Variants in ZNF184 observed in about 807,000 individuals in gnomAD.
The protein encoded by ZNF184 is zinc finger protein 184 (Kruppel-like).
A neutral mutation model predicts 54.4 loss-of-function variants in ZNF184; 16 were observed. The ratio of observed to expected loss-of-function variants is 0.29; its 90% confidence interval spans 0.20 to 0.45. The LOEUF (loss-of-function observed/expected upper bound fraction) is 0.45, where lower values mean the gene tolerates loss of function less well. Among genes scored for constraint, ZNF184 ranks in the 20% least tolerant of loss-of-function variants. The pLI is 1.00. For synonymous variants in ZNF184, 254 were observed against 295.3 expected (o/e 0.86, Z 1.43); for missense variants, 681 against 888.2 (o/e 0.77, Z 2.97).
In ZNF184 at chr6:27,452,944, A is replaced by T; in HGVS notation, c.615T>A (p.Thr205=). Residue 205 remains threonine, a synonymous_variant, in exon 6 of 6, where the codon ACT becomes ACA. Coordinates refer to ENST00000683788, the MANE Select transcript of ZNF184 (RefSeq NM_001318891.2). This position sits in a 1 kb window ranked among gnomAD's most constrained non-coding sequence, Gnocchi z 5.5. ...TQEPSPEETS[T]KRSIKQNSNP... is the part of the protein sequence containing the mutation. ...TTGAATTCTGTTTGATGCTTCTTTT[A>T]GTAGAGGTCTCTTCTGGAGATGGTT... The T allele has an allele frequency of 6.2e-7, 1 of 1,614,152 alleles. No homozygotes were observed. Among genetic ancestry groups the T allele is most frequent in the South Asian group, 1.1e-5 (1 of 91,082 alleles).
At chr6:27,450,070 T>G (rs973032521), downstream of ZNF184, among the ~76,000 whole-genome samples, 2 of 152,220 alleles carry the variant, frequency 1.3e-5, no homozygotes, top group Admixed American at 1.3e-4. Flanking sequence ...CTAGTAGAGA[T>G]GTTTTTGAGA....
Position 27,467,868 on chromosome 6 carries a change from T to A in ZNF184, c.60A>T (p.Ser20=), listed in dbSNP as rs1208630223. 5.6e-6 allele frequency: 9 copies of A among 1,611,622 alleles called. No individual in the cohort carries two copies. Among genetic ancestry groups the A allele is most frequent in the African/African-American group, 1.3e-5 (1 of 74,862 alleles). Residue 20 remains serine (S), a synonymous_variant, in exon 3 of 6, where the codon TCA becomes TCT. Coordinates refer to ENST00000683788, the MANE Select transcript of ZNF184 (RefSeq NM_001318891.2). ...CACATCTTACCTGAAAACTGGCTGA[T>A]GAGAGTAGATTATGTCCCCCTTGGA... ...TLLQGGHNLL[S]SASFQEAVTF... is the part of the protein sequence containing the mutation.
the ZNF184 span, among the ~76,000 whole-genome samples, chr6:27,424,360 G>A: frequency 2.8e-4 from 43 of 152,284 alleles, no homozygotes; most frequent in African/African-American, 7.9e-4. Flanking sequence ...AGGGTACAAG[G>A]AAAGCCGACA....
chr6:27,433,507 C>T, the ZNF184 span, among the ~76,000 whole-genome samples: 1 of 152,208 alleles, frequency 6.6e-6, no homozygotes, highest in African/African-American at 2.4e-5. Context: ...CCCTCTCCTC[C>T]TAACTGCTGG....
chr6:27,428,833 T>G, the ZNF184 span, among the ~76,000 whole-genome samples: 2 of 152,188 alleles, frequency 1.3e-5, no homozygotes, highest in African/African-American at 4.8e-5. This position sits in a 1 kb window ranked among gnomAD's most constrained non-coding sequence, Gnocchi z 4.1. Flanking sequence ...CAAGTCTTCC[T>G]GTGGGAATAT....
In ZNF184 at chr6:27,452,835, T is replaced by C; in HGVS notation, c.724A>G (p.Arg242Gly). 1.2e-6 allele frequency: 2 copies of C among 1,614,048 alleles called. No homozygotes were observed. The highest frequency in any genetic ancestry group is 1.7e-6 in the Non-Finnish European group (2 of 1,179,970). Reference protein sequence around the residue: ...SYCSALIRHQRTHTGEKPYKC... With the variant: ...SYCSALIRHQGTHTGEKPYKC... ...TAGGGTTTTTCTCCAGTATGTGTTCTCTGATGGCGAATAAGAGCTGAACAA... is the reference window on the plus strand; with the variant it reads ...TAGGGTTTTTCTCCAGTATGTGTTCCCTGATGGCGAATAAGAGCTGAACAA... The change falls in exon 6 of 6, where the codon AGA (arginine) becomes GGA (glycine). Residue 242 changes from arginine to glycine, a missense_variant. By Grantham distance (125) the Arg-to-Gly change is moderately radical. Coordinates refer to ENST00000683788, the MANE Select transcript of ZNF184 (RefSeq NM_001318891.2). This position sits in a 1 kb window ranked among gnomAD's most constrained non-coding sequence, Gnocchi z 5.5.
chr6:27,451,321 T>C lies in ZNF184; in HGVS notation c.2238A>G (p.Arg746=), dbSNP rs1561834273. ...RYRSALNKHQ[R]LHPGI ...AGAATTGTCATATGCCAGGATGCAG[T>C]CTCTGATGTTTGTTGAGAGCAGAGC... The change falls in exon 6 of 6, where the codon AGA becomes AGG. Residue 746 remains arginine, a synonymous_variant. Coordinates refer to ENST00000683788, the MANE Select transcript of ZNF184 (RefSeq NM_001318891.2). The C allele has an allele frequency of 6.2e-7, 1 of 1,600,044 alleles. No individual in the cohort carries two copies. The highest frequency in any genetic ancestry group is 8.5e-7 in the Non-Finnish European group (1 of 1,173,354).
chr6:27,451,292 T>G lies in ZNF184; in HGVS notation c.*11A>C, dbSNP rs527936201. 1 of 1,569,888 alleles carries G rather than the reference T, an allele frequency of 6.4e-7. No individual in the cohort carries two copies. On this transcript the variant is annotated 3_prime_UTR_variant, in exon 6 of 6. Coordinates refer to ENST00000683788, the MANE Select transcript of ZNF184 (RefSeq NM_001318891.2). ...AATATCTCCCCTAAATTTATGATGT[T>G]CCTAGAATTGTCATATGCCAGGATG...
At chr6:27,418,298 A>G in the ZNF184 span, among the ~76,000 whole-genome samples, 949 of 152,282 alleles carry the variant, frequency 6.2e-3, 27 homozygotes, top group East Asian at 0.056. Context: ...AGTGACTAAT[A>G]TGCTCCTGGG....
rs61602778 is a variant in ZNF184 at position 27,465,016 on chromosome 6, C to CAAAAAAA, written c.75+2830_75+2836dup. 5.7e-4 allele frequency among the ~76,000 whole-genome samples: 28 copies of CAAAAAAA among 48,916 alleles called. 1 individual carries two copies. Among genetic ancestry groups the CAAAAAAA allele is most frequent in the African/African-American group, 2.6e-3 (23 of 8,698 alleles). 32.1% of individuals were successfully genotyped at this position (48,916 alleles called of 152,430 possible). ...TGGGCGACAGAGCAAGACTCTGTCT[C>CAAAAAAA]AAAAAAAAAAAAAAAAAAAAATAGA... On this transcript the variant is annotated intron_variant, in intron 3 of 5. Transcript: ENST00000683788.
chr6:27,444,742 T>C, the ZNF184 span, among the ~76,000 whole-genome samples: 1 of 152,200 alleles, frequency 6.6e-6, no homozygotes, highest in Admixed American at 6.5e-5. Flanking sequence ...GAATCACTTT[T>C]TTCATTCAGC....
the ZNF184 span, among the ~76,000 whole-genome samples, chr6:27,436,991 G>A: frequency 6.6e-6 from 1 of 152,160 alleles, no homozygotes; most frequent in Admixed American, 6.5e-5. Flanking sequence ...AAAGTAGGTA[G>A]AGACAGGACT....
At chr6:27,430,412 T>C in the ZNF184 span, among the ~76,000 whole-genome samples, 1 of 136,220 alleles carries the variant, frequency 7.3e-6, no homozygotes, top group African/African-American at 2.7e-5. Flanking sequence ...AAAAGGACTT[T>C]GCAGGCATGA....
At chr6:27,457,117 A>T (rs954962031) in intron 4 of ZNF184, among the ~76,000 whole-genome samples, 166 bp downstream of exon 4, 67 of 152,212 alleles carry the variant, frequency 4.4e-4, no homozygotes, top group Admixed American at 1.1e-3. Context: ...GGGTTCAGGA[A>T]AATTATTATT....
chr6:27,440,913 A>G, the ZNF184 span, among the ~76,000 whole-genome samples: 161 of 152,148 alleles, frequency 1.1e-3, no homozygotes, highest in African/African-American at 3.8e-3. Flanking sequence ...GCTGAGGCAG[A>G]AGAACGGCAT....
chr6:27,454,542 A>G (rs1762808379), intron 5 of ZNF184, among the ~76,000 whole-genome samples: 2 of 152,236 alleles, frequency 1.3e-5, no homozygotes, highest in Admixed American at 6.5e-5. Context: ...TACCTCTGGA[A>G]GTACTTCACA....
At chr6:27,429,292 C>T in the ZNF184 span, among the ~76,000 whole-genome samples, 1 of 152,234 alleles carries the variant, frequency 6.6e-6, no homozygotes, top group Non-Finnish European at 1.5e-5. Context: ...TTGCGACAAA[C>T]TTGCTTCTAC....
intron 2 of ZNF184, among the ~76,000 whole-genome samples, chr6:27,469,465 A>AC (rs1763219946): frequency 6.6e-6 from 1 of 152,064 alleles, no homozygotes; most frequent in Admixed American, 6.5e-5. Flanking sequence ...ACATGGTGAA[A>AC]CCCCATCTCT....
chr6:27,453,288 C>T lies in ZNF184; in HGVS notation c.299-28G>A. On this transcript the variant is annotated intron_variant, in intron 5 of 5. Transcript: ENST00000683788. This position sits in a 1 kb window ranked among gnomAD's most constrained non-coding sequence, Gnocchi z 4.7. ...AAAAGAAAAAGAAAATTCCAGTGTT[C>T]TCTGAATAGAGAAAAAATAAACTGC... 1 of 1,534,892 alleles carries T rather than the reference C, an allele frequency of 6.5e-7. No homozygotes were observed.
Sources: allele counts gnomAD v4.1 joint callset (sites outside exome capture counted in the v4.1 genomes callset), GRCh38; gene constraint gnomAD v4.1.1; non-coding constraint Gnocchi (gnomAD v3.1); transcripts MANE v1.5; gene names NCBI Gene and HGNC (gene_info 2026-07-23, HGNC 2026-07-21).